The following CFAP58 variants were observed in gnomAD, a reference collection of about 807,000 sequenced individuals.
The protein encoded by CFAP58 is cilia and flagella associated protein 58, also known as cilia- and flagella-associated protein 58.
In CFAP58, 88 loss-of-function variants were observed where a neutral mutation model predicts 119.5. The observed-to-expected ratio is 0.74, with a 90% confidence interval of 0.62 to 0.88. CFAP58 has a LOEUF of 0.88. Among genes scored for constraint, CFAP58 ranks in the 40% least tolerant of loss-of-function variants. The pLI is 0.00. For synonymous variants in CFAP58, 365 were observed against 366.3 expected (o/e 1.00, Z 0.04); for missense variants, 990 against 1,021.2 (o/e 0.97, Z 0.42).
chr10:104,373,643 A>G (rs1383574487), intron 7 of CFAP58, among the ~76,000 whole-genome samples: 1 of 152,172 alleles, frequency 6.6e-6, no homozygotes, highest in Non-Finnish European at 1.5e-5. Flanking sequence ...TGACAGAGCA[A>G]GTCTCTTTAA....
chr10:104,400,933 G>T (rs372154289), intron 13 of CFAP58, 30 bp downstream of exon 13: 2 of 1,549,480 alleles, frequency 1.3e-6, no homozygotes, highest in Non-Finnish European at 1.8e-6. Context: ...AGGGCTGAAG[G>T]CACAGTGCAA....
chr10:104,355,176 C>T (rs2014527558), intron 1 of CFAP58, among the ~76,000 whole-genome samples: 1 of 152,164 alleles, frequency 6.6e-6, no homozygotes, highest in Non-Finnish European at 1.5e-5. Flanking sequence ...TTCCCATTTC[C>T]TTTCTTGTTC....
intron 15 of CFAP58, among the ~76,000 whole-genome samples, chr10:104,440,404 G>A (rs550402724): frequency 4.2e-4 from 64 of 152,164 alleles, no homozygotes; most frequent in African/African-American, 1.3e-3. Flanking sequence ...CTGTGTTCCC[G>A]GTAATCTGAT....
chr10:104,442,932 G>C (rs2013061895), intron 15 of CFAP58, among the ~76,000 whole-genome samples: 1 of 152,202 alleles, frequency 6.6e-6, no homozygotes, highest in African/African-American at 2.4e-5. Context: ...TCAAGTAAAA[G>C]TTCTCAACAC....
intron 15 of CFAP58, among the ~76,000 whole-genome samples, chr10:104,412,897 T>A (rs1292598205): frequency 1.3e-5 from 2 of 152,336 alleles, no homozygotes; most frequent in African/African-American, 4.8e-5. Context: ...TTAGCTTAAA[T>A]ATTTTTTCCT....
At chr10:104,345,662 C>G in the CFAP58 span, among the ~76,000 whole-genome samples, 3 of 152,062 alleles carry the variant, frequency 2.0e-5, no homozygotes, top group Non-Finnish European at 2.9e-5. Flanking sequence ...AGTGAATTGA[C>G]AGAAGATGCT....
chr10:104,405,169 A>G (rs1343777160), intron 14 of CFAP58, among the ~76,000 whole-genome samples: 1 of 152,212 alleles, frequency 6.6e-6, no homozygotes, highest in Non-Finnish European at 1.5e-5. Flanking sequence ...TGCCGGGTGA[A>G]TGTGTGCCAA....
At chr10:104,449,890 C>T (rs1280493739) in intron 16 of CFAP58, among the ~76,000 whole-genome samples, 181 bp from the exon 17 acceptor site, 1 of 152,108 alleles carries the variant, frequency 6.6e-6, no homozygotes, top group African/African-American at 2.4e-5. Context: ...GCATCTTCAG[C>T]CCTCAGCCAG....
the CFAP58 span, among the ~76,000 whole-genome samples, chr10:104,346,355 T>A: frequency 6.6e-6 from 1 of 151,936 alleles, no homozygotes; most frequent in African/African-American, 2.4e-5. Context: ...TACTTTTGTT[T>A]GTTTGTTTTT....
chr10:104,386,865 G>C, intron 9 of CFAP58, among the ~76,000 whole-genome samples: 1 of 152,158 alleles, frequency 6.6e-6, no homozygotes, highest in Non-Finnish European at 1.5e-5. Context: ...TGTGAAACAT[G>C]TTACCATGAT....
intron 15 of CFAP58, among the ~76,000 whole-genome samples, chr10:104,445,194 A>G (rs772705978): frequency 3.3e-5 from 5 of 151,822 alleles, no homozygotes; most frequent in Admixed American, 6.6e-5. Flanking sequence ...ATGGTGGTGC[A>G]TGCCTATAGT....
chr10:104,385,055 C>T (rs913719696), intron 9 of CFAP58, among the ~76,000 whole-genome samples: 2 of 152,146 alleles, frequency 1.3e-5, no homozygotes, highest in East Asian at 1.9e-4. Context: ...AAATCTGCTA[C>T]ATCAACCCTG....
At position 104,445,293 on chromosome 10, in the gene CFAP58, A is replaced by G. The variant is rs546208763; in HGVS notation, c.2257-2405A>G. Among the ~76,000 whole-genome samples, 4 of 150,654 alleles carry G rather than the reference A, an allele frequency of 2.7e-5. No homozygotes were observed. In the South Asian group the frequency reaches 6.5e-4, roughly 24 times the overall value. On this transcript the variant is annotated intron_variant, in intron 15 of 17. Coordinates refer to ENST00000369704, the MANE Select transcript of CFAP58 (RefSeq NM_001008723.2). ...AGATATGATTGTGCCACTGTACTCC[A>G]GCCTGCGTGACAGAGTGAGACCCGG...
At chr10:104,449,544 A>G (rs1488430995) in intron 16 of CFAP58, among the ~76,000 whole-genome samples, 2 of 152,208 alleles carry the variant, frequency 1.3e-5, no homozygotes, top group Non-Finnish European at 2.9e-5. Flanking sequence ...CGAAGAACAC[A>G]GTAAAGAGGG....
intron 15 of CFAP58, among the ~76,000 whole-genome samples, chr10:104,422,586 C>G (rs1469676613): frequency 6.6e-6 from 1 of 152,190 alleles, no homozygotes; most frequent in African/African-American, 2.4e-5. Flanking sequence ...TGGCCCAAAG[C>G]TGGTTCATTT....
At chr10:104,396,982 A>G (rs2012174525) in intron 11 of CFAP58, among the ~76,000 whole-genome samples, 2 of 152,244 alleles carry the variant, frequency 1.3e-5, no homozygotes, top group South Asian at 4.1e-4. Flanking sequence ...ATATATTATG[A>G]AAAAAGTACC....
chr10:104,365,612 T>G (rs892043603), intron 4 of CFAP58, among the ~76,000 whole-genome samples: 1 of 152,112 alleles, frequency 6.6e-6, no homozygotes, highest in Admixed American at 6.5e-5. Flanking sequence ...GTCATTTGAT[T>G]TCAAGGCCCC....
At chr10:104,375,796 G>A (rs12269518) in intron 7 of CFAP58, among the ~76,000 whole-genome samples, 1 of 149,756 alleles carries the variant, frequency 6.7e-6, no homozygotes, top group Admixed American at 6.6e-5. Flanking sequence ...GGTCGGGGGG[G>A]GCTTCCATGC....
intron 15 of CFAP58, among the ~76,000 whole-genome samples, chr10:104,438,327 T>TTTTTTTG (rs1186084299): frequency 1.4e-5 from 2 of 138,856 alleles, no homozygotes; most frequent in African/African-American, 6.6e-5. Flanking sequence ...ATTTTTATTG[T>TTTTTTTG]TTTTTTGTTT....
Sources: allele counts gnomAD v4.1 joint callset (sites outside exome capture counted in the v4.1 genomes callset), GRCh38; gene constraint gnomAD v4.1.1; transcripts MANE v1.5; gene names NCBI Gene and HGNC (gene_info 2026-07-23, HGNC 2026-07-21).